The following XRCC4 variants were observed in gnomAD, a reference collection of about 807,000 sequenced individuals.
The protein encoded by XRCC4 is DNA repair protein XRCC4.
In XRCC4, 28 loss-of-function variants were observed where a neutral mutation model predicts 39.1. The observed-to-expected ratio is 0.72, with a 90% CI of 0.53 to 0.98. The LOEUF (loss-of-function observed/expected upper bound fraction) is 0.98. XRCC4 is among the 50% of genes least tolerant of loss of function. The probability of loss-of-function intolerance (pLI) is 0.00; values close to 1 mark genes in which losing one functional copy is unlikely to be tolerated. For synonymous variants in XRCC4, 123 were observed against 126.4 expected (o/e 0.97, Z 0.18); for missense variants, 350 against 376.4 (o/e 0.93, Z 0.58).
chr5:83,134,489 C>A (rs551857247), intron 3 of XRCC4, among the ~76,000 whole-genome samples: 1 of 152,142 alleles, frequency 6.6e-6, no homozygotes, highest in African/African-American at 2.4e-5. Flanking sequence ...GGTTTGTACA[C>A]GCATCAATCA....
At chr5:83,241,685 G>C (rs1752915071) in intron 6 of XRCC4, among the ~76,000 whole-genome samples, 1 of 152,060 alleles carries the variant, frequency 6.6e-6, no homozygotes. Context: ...TAGAATTTTT[G>C]ACTTGTCCAA....
chr5:83,085,140 T>G (rs1580194673), intron 1 of XRCC4, among the ~76,000 whole-genome samples: 1 of 152,340 alleles, frequency 6.6e-6, no homozygotes, highest in East Asian at 1.9e-4. Flanking sequence ...ATTAACTTAC[T>G]TCTAATTTTA....
chr5:83,203,745 A>T, intron 5 of XRCC4, 38 bp downstream of exon 5: 2 of 1,598,092 alleles, frequency 1.3e-6, no homozygotes, highest in Non-Finnish European at 1.7e-6. Flanking sequence ...ACAGATGAAT[A>T]CATTTAAGTG....
chr5:83,193,001 T>C (rs1452042012), intron 3 of XRCC4, among the ~76,000 whole-genome samples: 1 of 152,200 alleles, frequency 6.6e-6, no homozygotes, highest in African/African-American at 2.4e-5. Context: ...TTTGTGCTAA[T>C]TTTCTGGCGT....
intron 6 of XRCC4, among the ~76,000 whole-genome samples, chr5:83,238,655 A>G (rs186068672): frequency 2.6e-5 from 4 of 152,296 alleles, no homozygotes; most frequent in Non-Finnish European, 5.9e-5. Context: ...ATATGTAAGT[A>G]AATGGAGAAC....
intron 6 of XRCC4, among the ~76,000 whole-genome samples, chr5:83,228,963 A>T (rs1752391929): frequency 6.6e-6 from 1 of 152,080 alleles, no homozygotes; most frequent in Admixed American, 6.6e-5. Context: ...AAATATTGGC[A>T]CTATCATGTG....
chr5:83,286,219 C>CT (rs1378470794), intron 7 of XRCC4, among the ~76,000 whole-genome samples: 2 of 152,208 alleles, frequency 1.3e-5, no homozygotes, highest in East Asian at 3.9e-4. Context: ...TCTGAAGTGT[C>CT]TAAAAGAAGC....
chr5:83,243,463 A>G (rs1341175899), intron 6 of XRCC4, among the ~76,000 whole-genome samples: 1 of 152,178 alleles, frequency 6.6e-6, no homozygotes, highest in African/African-American at 2.4e-5. Context: ...TCTTGCTCTT[A>G]TAATAAAGAC....
intron 6 of XRCC4, among the ~76,000 whole-genome samples, chr5:83,238,837 A>AT (rs1752795183): frequency 2.6e-5 from 4 of 152,252 alleles, no homozygotes; most frequent in African/African-American, 9.6e-5. Flanking sequence ...TTAAGAAGAG[A>AT]TTTTTTGAAG....
intron 7 of XRCC4, among the ~76,000 whole-genome samples, chr5:83,320,503 T>C (rs893130688): frequency 9.9e-5 from 15 of 151,824 alleles, no homozygotes; most frequent in Non-Finnish European, 2.1e-4. Flanking sequence ...AGAGGTGGGG[T>C]TTGAGAATAT....
chr5:83,082,216 G>T (rs1744975831), intron 1 of XRCC4, among the ~76,000 whole-genome samples: 1 of 152,070 alleles, frequency 6.6e-6, no homozygotes. Context: ...ATTCTCATAT[G>T]TCAGCCAGAG....
chr5:83,145,982 C>T (rs1748435376), intron 3 of XRCC4, among the ~76,000 whole-genome samples: 1 of 151,988 alleles, frequency 6.6e-6, no homozygotes, highest in Non-Finnish European at 1.5e-5. Context: ...TTTGAGCTCT[C>T]CAGTCCCTTA....
the XRCC4 span, among the ~76,000 whole-genome samples, chr5:83,368,404 T>C: frequency 6.6e-6 from 1 of 152,168 alleles, no homozygotes; most frequent in African/African-American, 2.4e-5. Flanking sequence ...TCATCTGCTG[T>C]CACTTCTATC....
At chr5:83,192,424 C>A (rs1357172377) in intron 3 of XRCC4, among the ~76,000 whole-genome samples, 1 of 151,414 alleles carries the variant, frequency 6.6e-6, no homozygotes, top group Non-Finnish European at 1.5e-5. Context: ...TCTCCTGCCT[C>A]AACCTCCTGA....
At chr5:83,208,773 T>C (rs1271654218) in intron 6 of XRCC4, among the ~76,000 whole-genome samples, 1 of 152,094 alleles carries the variant, frequency 6.6e-6, no homozygotes, top group African/African-American at 2.4e-5. Context: ...ATACTACATT[T>C]TATATTTTTC....
intron 1 of XRCC4, among the ~76,000 whole-genome samples, chr5:83,103,857 A>C (rs997767819): frequency 1.3e-5 from 2 of 152,154 alleles, no homozygotes; most frequent in Admixed American, 1.3e-4. Flanking sequence ...CAAAGCCCTC[A>C]TCTCTGTTAG....
intron 7 of XRCC4, among the ~76,000 whole-genome samples, chr5:83,346,052 C>T (rs1756908058): frequency 6.6e-6 from 1 of 152,060 alleles, no homozygotes; most frequent in Non-Finnish European, 1.5e-5. Flanking sequence ...ATATACACCA[C>T]GTTTTAGTGA....
intron 7 of XRCC4, among the ~76,000 whole-genome samples, chr5:83,348,086 C>A (rs186841389): frequency 6.6e-6 from 1 of 152,174 alleles, no homozygotes; most frequent in Non-Finnish European, 1.5e-5. Context: ...CCCTGTGGCT[C>A]TCCAGGGTAC....
chr5:83,227,388 C>T (rs1752331083), intron 6 of XRCC4, among the ~76,000 whole-genome samples: 1 of 152,062 alleles, frequency 6.6e-6, no homozygotes, highest in Non-Finnish European at 1.5e-5. Context: ...CTTGAAAGTA[C>T]ATTACTGCAT....
Sources: gnomAD v4.1 joint callset for allele counts (sites outside exome capture counted in the v4.1 genomes callset) on GRCh38, gnomAD v4.1.1 for gene constraint, MANE v1.5 for transcripts, NCBI Gene and HGNC (gene_info 2026-07-23, HGNC 2026-07-21) for gene names.